The following CCDC192 variants were observed in gnomAD, a reference collection of about 807,000 sequenced individuals.
CCDC192 encodes coiled-coil domain containing 192, also known as coiled-coil domain-containing protein 192.
intron 5 of CCDC192, among the ~76,000 whole-genome samples, chr5:127,864,473 C>T (rs1027738410): frequency 6.6e-6 from 1 of 152,200 alleles, no homozygotes; most frequent in African/African-American, 2.4e-5. Context: ...CTTGGGAGTT[C>T]AGCTTCATGT....
At chr5:127,927,408 T>G (rs983526219) in intron 6 of CCDC192, among the ~76,000 whole-genome samples, 46 of 152,156 alleles carry the variant, frequency 3.0e-4, no homozygotes, top group Admixed American at 2.2e-3. Context: ...TATCTGTGGT[T>G]GCAGGCATCC....
At chr5:127,793,872 G>C (rs908702223) in intron 3 of CCDC192, among the ~76,000 whole-genome samples, 1 of 152,184 alleles carries the variant, frequency 6.6e-6, no homozygotes, top group Admixed American at 6.6e-5. Context: ...ACAGGTAATA[G>C]AAAACTCCTT....
chr5:127,725,171 C>T (rs1167315803), intron 2 of CCDC192, among the ~76,000 whole-genome samples: 1 of 152,112 alleles, frequency 6.6e-6, no homozygotes, highest in African/African-American at 2.4e-5. Context: ...ATTCTTGTTG[C>T]AAAATATGGT....
At chr5:127,758,644 G>A (rs10066599) in intron 3 of CCDC192, among the ~76,000 whole-genome samples, 48,703 of 151,986 alleles carry the variant, frequency 0.32, 8,688 homozygotes, top group Middle Eastern at 0.42. Flanking sequence ...CATAGGTTAA[G>A]ATCAGGTGGG....
At chr5:127,769,813 G>T (rs1647086100) in intron 3 of CCDC192, among the ~76,000 whole-genome samples, 1 of 152,184 alleles carries the variant, frequency 6.6e-6, no homozygotes, top group African/African-American at 2.4e-5. Context: ...TTTCAATAAC[G>T]TAGTCGAGGG....
intron 5 of CCDC192, among the ~76,000 whole-genome samples, chr5:127,847,983 G>T (rs1275352746): frequency 6.6e-6 from 1 of 151,996 alleles, no homozygotes; most frequent in African/African-American, 2.4e-5. Flanking sequence ...TTTCAGTAGA[G>T]ACAGGATTTC....
intron 5 of CCDC192, among the ~76,000 whole-genome samples, chr5:127,812,808 C>T (rs760877093): frequency 5.9e-5 from 9 of 152,294 alleles, no homozygotes; most frequent in Middle Eastern, 3.4e-3. Flanking sequence ...CTACTGCCTA[C>T]GAGTTTTGCA....
chr5:127,787,028 C>T (rs185491303), intron 3 of CCDC192: 13 of 318,874 alleles, frequency 4.1e-5, no homozygotes, highest in South Asian at 1.2e-4. Context: ...GTTCTGGCTC[C>T]GGATTTATGA....
chr5:127,831,386 G>C (rs1448360614), intron 5 of CCDC192, among the ~76,000 whole-genome samples: 1 of 152,014 alleles, frequency 6.6e-6, no homozygotes, highest in Non-Finnish European at 1.5e-5. Context: ...GTGCGTGTGT[G>C]TGTGTGCATC....
At chr5:127,760,048 T>C (rs1206411475) in intron 3 of CCDC192, among the ~76,000 whole-genome samples, 5 of 152,162 alleles carry the variant, frequency 3.3e-5, no homozygotes, top group Admixed American at 2.0e-4. Flanking sequence ...ATTTCATATA[T>C]CTTCTGGGTA....
chr5:127,835,905 G>C (rs906516032), intron 5 of CCDC192, among the ~76,000 whole-genome samples: 1 of 152,046 alleles, frequency 6.6e-6, no homozygotes, highest in African/African-American at 2.4e-5. Flanking sequence ...TCCAATCCTA[G>C]CCCCTCCCAA....
intron 2 of CCDC192, among the ~76,000 whole-genome samples, chr5:127,728,792 C>T (rs1752476345): frequency 6.6e-6 from 1 of 152,172 alleles, no homozygotes; most frequent in Non-Finnish European, 1.5e-5. Flanking sequence ...GTGTTGTATT[C>T]AAGAGAACCA....
intron 5 of CCDC192, among the ~76,000 whole-genome samples, chr5:127,808,034 C>T (rs1031760880): frequency 6.6e-6 from 1 of 152,108 alleles, no homozygotes; most frequent in Non-Finnish European, 1.5e-5. Context: ...TTATTGAGGA[C>T]ATTTATTATT....
chr5:127,928,322 A>G (rs1282138172), intron 6 of CCDC192, among the ~76,000 whole-genome samples: 1 of 152,240 alleles, frequency 6.6e-6, no homozygotes, highest in East Asian at 1.9e-4. Context: ...TATAAGTTCT[A>G]GAGGAACATA....
intron 5 of CCDC192, among the ~76,000 whole-genome samples, chr5:127,801,065 A>G (rs1228796230): frequency 1.3e-5 from 2 of 152,100 alleles, no homozygotes; most frequent in Non-Finnish European, 2.9e-5. Context: ...TCTGTGTGTA[A>G]AGATTTGGAA....
At chr5:127,767,616 C>T (rs1359212230) in intron 3 of CCDC192, among the ~76,000 whole-genome samples, 4 of 152,106 alleles carry the variant, frequency 2.6e-5, no homozygotes, top group African/African-American at 7.2e-5. Flanking sequence ...TTTCCCATGT[C>T]TTTTCATTTC....
intron 3 of CCDC192, among the ~76,000 whole-genome samples, chr5:127,792,525 C>CATATATATATATATATATATATATATAT (rs34017962): frequency 3.0e-4 from 43 of 141,262 alleles, no homozygotes; most frequent in African/African-American, 4.2e-4. Context: ...ATCACCATCT[C>CATATATATATATATATATATATATATAT]ATATATATAT....
chr5:127,769,222 G>A (rs1755407669), intron 3 of CCDC192, among the ~76,000 whole-genome samples: 1 of 152,208 alleles, frequency 6.6e-6, no homozygotes, highest in African/African-American at 2.4e-5. Flanking sequence ...GATGGATTGG[G>A]TGAATGGTGA....
At chr5:127,722,854 C>G (rs1054366878) in intron 2 of CCDC192, among the ~76,000 whole-genome samples, 1 of 152,178 alleles carries the variant, frequency 6.6e-6, no homozygotes, top group Non-Finnish European at 1.5e-5. Context: ...GTTTTGGTTA[C>G]TATAGCTCTG....
Sources: allele counts gnomAD v4.1 joint callset (sites outside exome capture counted in the v4.1 genomes callset), GRCh38; gene constraint gnomAD v4.1.1; transcripts MANE v1.5; gene names NCBI Gene and HGNC (gene_info 2026-07-23, HGNC 2026-07-21).